Variants in ST6GALNAC3 observed in about 807,000 individuals in gnomAD.
ST6GALNAC3 encodes ST6 N-acetylgalactosaminide alpha-2,6-sialyltransferase 3.
ST6GALNAC3 carries 25 observed loss-of-function variants against 32.7 expected under a neutral mutation model. The ratio of observed to expected loss-of-function variants is 0.76; its 90% CI spans 0.56 to 1.07. The LOEUF (loss-of-function observed/expected upper bound fraction) is 1.07, where lower values mean the gene tolerates loss of function less well. Among genes scored for constraint, ST6GALNAC3 ranks in the 50% least tolerant of loss-of-function variants. The probability of loss-of-function intolerance (pLI) is 0.00; values close to 1 mark genes in which losing one functional copy is unlikely to be tolerated. For missense variants in ST6GALNAC3, 355 were observed against 382.4 expected (o/e 0.93, Z 0.60); for synonymous variants, 129 against 133.1 (o/e 0.97, Z 0.21).
At chr1:76,142,327 C>T (rs1650380361) in intron 1 of ST6GALNAC3, among the ~76,000 whole-genome samples, 1 of 152,146 alleles carries the variant, frequency 6.6e-6, no homozygotes, top group Non-Finnish European at 1.5e-5. Context: ...GTAGATGTGG[C>T]CTGGCGTCTA....
intron 2 of ST6GALNAC3, among the ~76,000 whole-genome samples, chr1:76,332,490 T>C (rs1304531916): frequency 4.6e-5 from 7 of 152,158 alleles, no homozygotes; most frequent in Non-Finnish European, 1.5e-5. Flanking sequence ...TCTTAAGTTG[T>C]CCACTATAAG....
chr1:76,119,691 A>G (rs539345451), intron 1 of ST6GALNAC3, among the ~76,000 whole-genome samples: 20 of 152,322 alleles, frequency 1.3e-4, no homozygotes, highest in African/African-American at 4.8e-4. Context: ...TGAAACTTGA[A>G]CAACAATAGT....
intron 3 of ST6GALNAC3, among the ~76,000 whole-genome samples, chr1:76,486,828 C>T (rs1418037847): frequency 1.3e-4 from 20 of 152,184 alleles, no homozygotes; most frequent in Non-Finnish European, 2.4e-4. Flanking sequence ...CCTCGATGGT[C>T]TTTACAATTT....
At chr1:76,484,778 A>T (rs2101668777) in intron 3 of ST6GALNAC3, among the ~76,000 whole-genome samples, 1 of 152,272 alleles carries the variant, frequency 6.6e-6, no homozygotes, top group African/African-American at 2.4e-5. Context: ...GAGTGGTGAG[A>T]GACGCATCCC....
At chr1:76,310,783 A>C (rs538180622) in intron 1 of ST6GALNAC3, among the ~76,000 whole-genome samples, 5 of 152,320 alleles carry the variant, frequency 3.3e-5, no homozygotes, top group East Asian at 1.9e-4. Flanking sequence ...GGCCCAGCCC[A>C]ACTATATGAA....
At chr1:76,364,968 A>T (rs1389865596) in intron 2 of ST6GALNAC3, among the ~76,000 whole-genome samples, 1 of 152,198 alleles carries the variant, frequency 6.6e-6, no homozygotes, top group African/African-American at 2.4e-5. Context: ...CAGCAATCCC[A>T]CTATTGGGTA....
In ST6GALNAC3 at chr1:76,179,288, A is replaced by G. The variant is rs893685815; in HGVS notation, c.18+104404A>G. 2.5e-4 allele frequency among the ~76,000 whole-genome samples: 38 copies of G among 152,208 alleles called. 1 individual carries two copies. Among genetic ancestry groups the G allele is most frequent in the Admixed American group, 2.5e-3 (38 of 15,282 alleles). ...TAGATTTTTTTGCAAGCTTCTTTTC[A>G]GCAAATGGCTTACTGTCCTTCCATT... is the stretch of plus-strand genomic sequence containing the variant. On this transcript the variant is annotated intron_variant, in intron 1 of 4. Coordinates refer to ENST00000328299, the MANE Select transcript of ST6GALNAC3 (RefSeq NM_152996.4).
intron 3 of ST6GALNAC3, among the ~76,000 whole-genome samples, chr1:76,446,001 A>G (rs960088021): frequency 6.6e-6 from 1 of 152,032 alleles, no homozygotes; most frequent in African/African-American, 2.4e-5. Context: ...GTCTCTCAAC[A>G]CCTTCTTTTT....
intron 2 of ST6GALNAC3, among the ~76,000 whole-genome samples, chr1:76,392,862 A>C (rs1242001578): frequency 1.3e-5 from 2 of 152,242 alleles, no homozygotes; most frequent in African/African-American, 4.8e-5. Context: ...GCAAGAACAC[A>C]TTCAAAGCGT....
chr1:76,476,652 C>T lies in ST6GALNAC3; in HGVS notation c.623+64235C>T, dbSNP rs534932260. Among the ~76,000 whole-genome samples the T allele has an allele frequency of 2.6e-5, 4 of 152,268 alleles. No homozygotes were observed. In the South Asian group the frequency reaches 8.3e-4, roughly 32 times the overall value. ...GACCATTCAGCACATTAGTTCTGAA[C>T]CATATCCTTGTGCTTTGCAGAATTT... On this transcript the variant is annotated intron_variant, in intron 3 of 4. Coordinates refer to ENST00000328299, the MANE Select transcript of ST6GALNAC3 (RefSeq NM_152996.4).
At chr1:76,534,922 G>C (rs903579511) in intron 3 of ST6GALNAC3, among the ~76,000 whole-genome samples, 1 of 152,132 alleles carries the variant, frequency 6.6e-6, no homozygotes, top group Non-Finnish European at 1.5e-5. Context: ...TAGATTGTGT[G>C]ACACTGAGCA....
intron 2 of ST6GALNAC3, among the ~76,000 whole-genome samples, chr1:76,387,986 A>C (rs1652229859): frequency 6.6e-6 from 1 of 152,128 alleles, no homozygotes; most frequent in Non-Finnish European, 1.5e-5. Context: ...TGGAGCAGAA[A>C]TCCTAAGTTT....
intron 3 of ST6GALNAC3, among the ~76,000 whole-genome samples, chr1:76,598,404 T>C (rs2100615566): frequency 6.6e-6 from 1 of 152,248 alleles, no homozygotes; most frequent in Non-Finnish European, 1.5e-5. Flanking sequence ...ACAGCCTCCA[T>C]CGCTTTCAGA....
chr1:76,589,449 G>A (rs945634386), intron 3 of ST6GALNAC3, among the ~76,000 whole-genome samples: 2 of 151,770 alleles, frequency 1.3e-5, no homozygotes, highest in Non-Finnish European at 2.9e-5. Flanking sequence ...CAGGACAAAC[G>A]TGCCCTGACC....
At chr1:76,396,777 G>GT (rs1652995114) in intron 2 of ST6GALNAC3, among the ~76,000 whole-genome samples, 1 of 152,158 alleles carries the variant, frequency 6.6e-6, no homozygotes, top group Admixed American at 6.5e-5. Flanking sequence ...AGAAAGTTCC[G>GT]TAAGTCTGAA....
At chr1:76,287,982 C>T (rs922759687) in intron 1 of ST6GALNAC3, among the ~76,000 whole-genome samples, 5 of 152,168 alleles carry the variant, frequency 3.3e-5, no homozygotes, top group Admixed American at 6.5e-5. Context: ...AGCAATCAGC[C>T]TGCCTTGGGA....
At chr1:76,635,685 C>T (rs1649487380), downstream of ST6GALNAC3, among the ~76,000 whole-genome samples, 1 of 152,182 alleles carries the variant, frequency 6.6e-6, no homozygotes, top group South Asian at 2.1e-4. Flanking sequence ...AGATGCTCCT[C>T]TCCAACCAGC....
intron 1 of ST6GALNAC3, among the ~76,000 whole-genome samples, chr1:76,287,451 C>T (rs1659849905): frequency 6.8e-6 from 1 of 146,240 alleles, no homozygotes; most frequent in Non-Finnish European, 1.5e-5. Context: ...CAAATCCCCT[C>T]AGAAATGGAG....
chr1:76,321,153 C>T (rs1208562676), intron 2 of ST6GALNAC3, among the ~76,000 whole-genome samples: 4 of 152,096 alleles, frequency 2.6e-5, no homozygotes, highest in Admixed American at 6.5e-5. Flanking sequence ...GGGGTGGGCT[C>T]ATGGCCCAAG....
Sources: allele counts gnomAD v4.1 joint callset (sites outside exome capture counted in the v4.1 genomes callset), GRCh38; gene constraint gnomAD v4.1.1; transcripts MANE v1.5; gene names NCBI Gene and HGNC (gene_info 2026-07-23, HGNC 2026-07-21).